The following ZNF606 variants were observed in gnomAD, a reference collection of about 807,000 sequenced individuals.
The protein encoded by ZNF606 is zinc finger protein 328.
A neutral mutation model predicts 74.9 loss-of-function variants in ZNF606; 37 were observed. The ratio of observed to expected loss-of-function variants is 0.49; its 90% CI spans 0.38 to 0.65. The LOEUF is 0.65. ZNF606 is among the 30% of genes least tolerant of loss of function. The probability of loss-of-function intolerance (pLI) is 0.00; values close to 1 mark genes in which losing one functional copy is unlikely to be tolerated. For synonymous variants in ZNF606, 328 were observed against 312.4 expected, an observed-to-expected ratio of 1.05 and a Z score of -0.53; for missense variants, 852 against 952.9, an observed-to-expected ratio of 0.89 and a Z score of 1.39.
At chr19:57,986,313 G>A (rs905745447) in intron 6 of ZNF606, among the ~76,000 whole-genome samples, 4 of 152,102 alleles carry the variant, frequency 2.6e-5, no homozygotes, top group South Asian at 4.1e-4. Context: ...ACAGTGAGGC[G>A]TGGTTGTGTG....
At chr19:57,987,407 C>T (rs754074078) in intron 6 of ZNF606, among the ~76,000 whole-genome samples, 18 of 151,986 alleles carry the variant, frequency 1.2e-4, no homozygotes, top group Non-Finnish European at 2.5e-4. Context: ...TAAAGCCCAG[C>T]TAAGTTTTTT....
chr19:58,000,142 C>A, intron 3 of ZNF606: 1 of 529,394 alleles, frequency 1.9e-6, no homozygotes, highest in East Asian at 3.0e-5. Flanking sequence ...CTGGTCACAA[C>A]CTTCCTGGGC....
chr19:57,994,992 A>C (rs762046851), intron 4 of ZNF606, among the ~76,000 whole-genome samples: 2 of 151,940 alleles, frequency 1.3e-5, no homozygotes, highest in Non-Finnish European at 2.9e-5. Context: ...GACCATTGAG[A>C]CCATCCTGGC....
At chr19:57,988,404 A>G in intron 5 of ZNF606, 102 bp from the exon 6 acceptor site, 1 of 1,385,730 alleles carries the variant, frequency 7.2e-7, no homozygotes, top group Non-Finnish European at 1.0e-6. Context: ...CAACCTGGGC[A>G]GAATATGCAA....
intron 6 of ZNF606, among the ~76,000 whole-genome samples, chr19:57,981,761 A>C (rs13346776): frequency 2.0e-5 from 3 of 152,136 alleles, no homozygotes; most frequent in African/African-American, 7.2e-5. Context: ...GGATACCCCT[A>C]AAGTTACACT....
intron 4 of ZNF606, among the ~76,000 whole-genome samples, chr19:57,993,080 G>T (rs909587942): frequency 1.3e-5 from 2 of 152,114 alleles, no homozygotes; most frequent in African/African-American, 4.8e-5. Context: ...CGCAAGCAGG[G>T]GTCAGAGTGA....
chr19:57,993,549 G>T (rs996224971), intron 4 of ZNF606, among the ~76,000 whole-genome samples: 1 of 152,046 alleles, frequency 6.6e-6, no homozygotes, highest in Non-Finnish European at 1.5e-5. Flanking sequence ...TCTGGGAGAG[G>T]CAGGAGTGAG....
chr19:57,995,190 A>C (rs1240720202), intron 4 of ZNF606, among the ~76,000 whole-genome samples: 2 of 123,498 alleles, frequency 1.6e-5, no homozygotes, highest in Admixed American at 1.5e-4. Context: ...ACTCTGACTC[A>C]AAAAAAAAAA....
At chr19:58,001,953 G>A (rs1386623289) in intron 1 of ZNF606, 1 of 347,978 alleles carries the variant, frequency 2.9e-6, no homozygotes, top group Non-Finnish European at 5.6e-6. Context: ...TGTGTGTGGA[G>A]GACTTAGAGA....
chr19:57,985,746 G>A (rs1480120201), intron 6 of ZNF606, among the ~76,000 whole-genome samples: 1 of 151,378 alleles, frequency 6.6e-6, no homozygotes. Context: ...GGCTAACACG[G>A]TGAAACCTGC....
intron 4 of ZNF606, among the ~76,000 whole-genome samples, chr19:57,995,363 T>C (rs1181096880): frequency 1.3e-5 from 2 of 152,052 alleles, no homozygotes; most frequent in African/African-American, 2.4e-5. Flanking sequence ...CTTATAAACC[T>C]GCCCATAAAA....
upstream of ZNF606, chr19:58,002,827 C>T: frequency 2.2e-6 from 1 of 448,100 alleles, no homozygotes. Context: ...GACCGGAGCG[C>T]GCCGCGGGGT....
rs1327228876 is a variant in ZNF606, at chr19:57,977,476, A to C, written c.*825T>G. ...ACATTTTTTTAGATGTGTTACAGTAAGTATGTATATACAATTCTGTATCCT... is the reference window on the plus strand; with the variant it reads ...ACATTTTTTTAGATGTGTTACAGTACGTATGTATATACAATTCTGTATCCT... On this transcript the variant is annotated 3_prime_UTR_variant, in exon 7 of 7. Transcript: ENST00000551380. The C allele has an allele frequency of 6.6e-6, 1 of 152,228 alleles. No individual in the cohort carries two copies. The highest frequency in any genetic ancestry group is 2.4e-5 in the African/African-American group (1 of 41,456). The allele number at this position is 152,228 out of a possible 1,614,324, so 9.4% of individuals were successfully genotyped here.
chr19:57,995,743 C>A (rs1001459138), intron 4 of ZNF606, among the ~76,000 whole-genome samples: 2 of 152,004 alleles, frequency 1.3e-5, no homozygotes, highest in East Asian at 3.9e-4. Context: ...CCTTTGAACC[C>A]GGGAGGCGGA....
At chr19:57,989,947 G>A (rs2073228620) in intron 4 of ZNF606, among the ~76,000 whole-genome samples, 1 of 149,626 alleles carries the variant, frequency 6.7e-6, no homozygotes, top group African/African-American at 2.4e-5. Context: ...AGCTACTTGG[G>A]AGGCTGAGGC....
chr19:57,979,928 G>A lies in ZNF606; in HGVS notation c.752C>T (p.Ser251Leu). Residue 251 changes from serine to leucine, a missense_variant, in exon 7 of 7, where the codon TCA becomes TTA. Around this residue, in one of 3 missense-constraint regions of ZNF606, gnomAD observed 545 missense variants for 542.5 expected, o/e 1.00. Coordinates refer to ENST00000551380, the MANE Select transcript of ZNF606 (RefSeq NM_001348022.3). Reference sequence around the variant, plus strand: ...AACCTTATCTGCATACATTATGGCTGAGTCACATCTCCAACTTTGAGCATG... The same window carrying A: ...AACCTTATCTGCATACATTATGGCTAAGTCACATCTCCAACTTTGAGCATG... Reference protein sequence around the residue: ...DTHAQSWRCDSAIMYADKVTC... With the variant: ...DTHAQSWRCDLAIMYADKVTC... 6.2e-7 allele frequency: 1 copy of A among 1,613,974 alleles called. No individual in the cohort carries two copies. The highest frequency in any genetic ancestry group is 1.1e-5 in the South Asian group (1 of 91,076).
chr19:57,978,706 T>A lies in ZNF606; in HGVS notation c.1974A>T (p.Gly658=), dbSNP rs780567154. The A allele has an allele frequency of 6.2e-7, 1 of 1,614,194 alleles. No homozygotes were observed. The highest frequency in any genetic ancestry group is 8.5e-7 in the Non-Finnish European group (1 of 1,180,030). ...GGTGACAGCTCTGACTGAAGGATTT[T>A]CCACATTTATTGCATTCATAGGGTT... ...GEKPYECNKC[G]KSFSQSCHLV... Residue 658 remains glycine, a synonymous_variant, in exon 7 of 7, where the codon GGA becomes GGT. Transcript: ENST00000551380. This position sits in a 1 kb window ranked among gnomAD's most constrained non-coding sequence, Gnocchi z 4.4.
At chr19:58,002,924 C>T (rs1300486304), upstream of ZNF606, 10 of 450,102 alleles carry the variant, frequency 2.2e-5, no homozygotes, top group East Asian at 6.3e-4. Context: ...GCCGCCTCGC[C>T]CTGCCTGGGC....
chr19:58,001,406 T>C, intron 1 of ZNF606, 36 bp from the exon 2 acceptor site: 2 of 1,546,710 alleles, frequency 1.3e-6, no homozygotes, highest in South Asian at 2.3e-5. Context: ...AAACTAGTCC[T>C]TTCTCACAGA....
Sources: gnomAD v4.1 joint callset for allele counts (sites outside exome capture counted in the v4.1 genomes callset) on GRCh38, gnomAD v4.1.1 for gene constraint, gnomAD v4.1.1 regional missense constraint, Gnocchi (gnomAD v3.1) non-coding constraint, MANE v1.5 for transcripts, NCBI Gene and HGNC (gene_info 2026-07-23, HGNC 2026-07-21) for gene names.